Variants in NKAIN2 observed in about 807,000 individuals in gnomAD.
NKAIN2 encodes sodium/potassium transporting ATPase interacting 2.
NKAIN2 carries 14 observed loss-of-function variants against 32.6 expected under a neutral mutation model. The observed-to-expected ratio is 0.43, with a 90% CI of 0.28 to 0.67. The LOEUF (loss-of-function observed/expected upper bound fraction) is 0.67. Ranked by LOEUF, NKAIN2 falls within the 30% of genes least tolerant of loss-of-function variation. The pLI, the probability that NKAIN2 is intolerant of heterozygous loss-of-function variation, is 0.17. For missense variants in NKAIN2, 198 were observed against 258.3 expected (o/e 0.77, Z 1.60); for synonymous variants, 80 against 87.2 (o/e 0.92, Z 0.46).
intron 3 of NKAIN2, among the ~76,000 whole-genome samples, chr6:124,603,612 C>T (rs1179609181): frequency 1.3e-5 from 2 of 151,998 alleles, no homozygotes; most frequent in East Asian, 3.9e-4. Context: ...TCAGAATTTA[C>T]TATTCCTCAT....
At chr6:124,017,142 G>A (rs1159457597) in intron 1 of NKAIN2, among the ~76,000 whole-genome samples, 3 of 152,162 alleles carry the variant, frequency 2.0e-5, no homozygotes, top group Non-Finnish European at 4.4e-5. Context: ...TCTTAACATG[G>A]CAGTAGGCAA....
rs1792775841 is a variant in NKAIN2, at chr6:124,236,564, T to C, written c.55-46441T>C. On this transcript the variant is annotated intron_variant, in intron 1 of 6. Coordinates refer to ENST00000368417, the MANE Select transcript of NKAIN2 (RefSeq NM_001040214.3). ...GATGTGAATAAAGAAATAATGCAAA[T>C]GAGGCCAGAACAGTAAATTGGAGTT... 2.0e-5 allele frequency among the ~76,000 whole-genome samples: 3 copies of C among 152,134 alleles called. No homozygotes were observed. In the South Asian group the frequency reaches 6.2e-4, roughly 31 times the overall value.
chr6:123,906,721 A>G (rs1324707961), intron 1 of NKAIN2, among the ~76,000 whole-genome samples: 1 of 152,214 alleles, frequency 6.6e-6, no homozygotes, highest in Non-Finnish European at 1.5e-5. Context: ...GAAGTTTTAC[A>G]GTAAAATTTC....
intron 4 of NKAIN2, among the ~76,000 whole-genome samples, chr6:124,748,211 G>C (rs1235513366): frequency 2.0e-5 from 3 of 151,938 alleles, no homozygotes; most frequent in Non-Finnish European, 4.4e-5. Flanking sequence ...TACCTGTAAA[G>C]CTTTATCTTG....
intron 1 of NKAIN2, among the ~76,000 whole-genome samples, chr6:124,059,847 AT>A (rs1782843530): frequency 6.6e-6 from 1 of 151,958 alleles, no homozygotes; most frequent in African/African-American, 2.4e-5. Context: ...TGCTCCTATT[AT>A]CTTTGCTTAT....
intron 3 of NKAIN2, among the ~76,000 whole-genome samples, chr6:124,489,222 A>G (rs77637130): frequency 0.017 from 2,537 of 151,998 alleles, 72 homozygotes; most frequent in African/African-American, 0.058. Flanking sequence ...CTCACTTTCA[A>G]TCCCCCTGTT....
At chr6:124,808,156 C>T (rs1490540553) in intron 5 of NKAIN2, among the ~76,000 whole-genome samples, 2 of 151,984 alleles carry the variant, frequency 1.3e-5, no homozygotes, top group African/African-American at 4.8e-5. Flanking sequence ...CATCCTGATA[C>T]CAAAGCCAGG....
At chr6:124,217,786 T>TAC (rs144387042) in intron 1 of NKAIN2, among the ~76,000 whole-genome samples, 86,223 of 150,658 alleles carry the variant, frequency 0.57, 27,245 homozygotes, top group South Asian at 0.72. Context: ...TATATATATG[T>TAC]ACACACACAC....
chr6:124,683,743 C>T (rs993937051), intron 4 of NKAIN2, among the ~76,000 whole-genome samples: 2 of 152,156 alleles, frequency 1.3e-5, no homozygotes, highest in African/African-American at 4.8e-5. Context: ...TAAGCATTGG[C>T]TTCAAATGCA....
At position 123,993,917 on chromosome 6, in the gene NKAIN2, A is replaced by G. The variant is rs544199556; in HGVS notation, c.54+189663A>G. ...ATATATCATGGCTGTGCTGTAAGCT[A>G]ATTGTAATAAAAACCATAATTTGGG... is the stretch of plus-strand genomic sequence containing the variant. On this transcript the variant is annotated intron_variant, in intron 1 of 6. Transcript: ENST00000368417. Among the ~76,000 whole-genome samples, 5 of 152,316 alleles carry G rather than the reference A, an allele frequency of 3.3e-5. No individual in the cohort carries two copies. The South Asian group carries it at 1.0e-3, about 32-fold the overall frequency.
chr6:123,947,093 C>T (rs1329706266), intron 1 of NKAIN2, among the ~76,000 whole-genome samples: 7 of 152,166 alleles, frequency 4.6e-5, no homozygotes, highest in Admixed American at 4.6e-4. Context: ...TGGCGGTCAC[C>T]TTTCTTCTGT....
intron 1 of NKAIN2, among the ~76,000 whole-genome samples, chr6:124,019,888 T>A (rs1780789674): frequency 6.6e-6 from 1 of 152,206 alleles, no homozygotes; most frequent in Non-Finnish European, 1.5e-5. Context: ...ACATATTATA[T>A]CTTGAAACTT....
At chr6:124,801,486 T>C (rs1372458268) in intron 5 of NKAIN2, among the ~76,000 whole-genome samples, 3 of 152,282 alleles carry the variant, frequency 2.0e-5, no homozygotes, top group African/African-American at 7.2e-5. Context: ...AACATCGCTG[T>C]CAAGATTCGA....
chr6:123,892,527 C>T (rs905801437), intron 1 of NKAIN2, among the ~76,000 whole-genome samples: 17 of 151,844 alleles, frequency 1.1e-4, no homozygotes, highest in Admixed American at 1.1e-3. Context: ...CCCCATGATC[C>T]AATTACCTCC....
intron 1 of NKAIN2, among the ~76,000 whole-genome samples, chr6:124,264,275 G>T (rs561957962): frequency 2.0e-5 from 3 of 152,228 alleles, no homozygotes; most frequent in Admixed American, 2.0e-4. Flanking sequence ...CTAGTACGCA[G>T]ATGCCTCACC....
chr6:124,616,342 A>G (rs1782886501), intron 3 of NKAIN2, among the ~76,000 whole-genome samples: 1 of 151,594 alleles, frequency 6.6e-6, no homozygotes, highest in Admixed American at 6.6e-5. Flanking sequence ...CCATATGAGA[A>G]GCTGAAATCT....
chr6:124,455,905 C>T (rs1776302950), intron 3 of NKAIN2, among the ~76,000 whole-genome samples: 2 of 151,856 alleles, frequency 1.3e-5, no homozygotes, highest in African/African-American at 2.4e-5. Context: ...TAATTATCTG[C>T]AAATAAAATG....
At chr6:124,045,438 G>A (rs1782073423) in intron 1 of NKAIN2, among the ~76,000 whole-genome samples, 1 of 151,932 alleles carries the variant, frequency 6.6e-6, no homozygotes, top group Non-Finnish European at 1.5e-5. Flanking sequence ...GATAAGAACT[G>A]GTCTGTTTTA....
At chr6:124,395,830 T>C (rs1773353887) in intron 3 of NKAIN2, among the ~76,000 whole-genome samples, 1 of 152,152 alleles carries the variant, frequency 6.6e-6, no homozygotes, top group African/African-American at 2.4e-5. Flanking sequence ...TCTAGTATCA[T>C]TCCATGCTGA....
Sources: gnomAD v4.1 joint callset for allele counts (sites outside exome capture counted in the v4.1 genomes callset) on GRCh38, gnomAD v4.1.1 for gene constraint, MANE v1.5 for transcripts, NCBI Gene and HGNC (gene_info 2026-07-23, HGNC 2026-07-21) for gene names.